The following USO1 variants were observed in gnomAD, a reference collection of about 807,000 sequenced individuals.
USO1 encodes the protein USO1 vesicle transport factor, also known as general vesicular transport factor p115.
In USO1, 57 loss-of-function variants were observed where a neutral mutation model predicts 124.5. That is an observed-to-expected ratio of 0.46 (90% CI 0.37 to 0.57). USO1 has a LOEUF of 0.57. Among genes scored for constraint, USO1 ranks in the 20% least tolerant of loss-of-function variants. The probability of loss-of-function intolerance (pLI) is 0.00; values close to 1 mark genes in which losing one functional copy is unlikely to be tolerated. For synonymous variants in USO1, 369 were observed against 362.8 expected, an observed-to-expected ratio of 1.02 and a Z score of -0.19; for missense variants, 900 against 1,040.6, an observed-to-expected ratio of 0.86 and a Z score of 1.86.
intron 4 of USO1, among the ~76,000 whole-genome samples, chr4:75,760,023 C>T (rs1351535862): frequency 6.6e-6 from 1 of 151,952 alleles, no homozygotes; most frequent in Non-Finnish European, 1.5e-5. Context: ...ACCAGTCTCA[C>T]CAACATGGTG....
At chr4:75,739,020 T>G (rs1720878899) in intron 1 of USO1, among the ~76,000 whole-genome samples, 1 of 152,030 alleles carries the variant, frequency 6.6e-6, no homozygotes, top group Admixed American at 6.6e-5. Context: ...GCCCAGCTAA[T>G]TTTTTGTAAC....
At chr4:75,773,913 CT>C (rs3839116) in intron 7 of USO1, among the ~76,000 whole-genome samples, 137,380 of 152,060 alleles carry the variant, frequency 0.9, 62,216 homozygotes, top group African/African-American at 0.98. Flanking sequence ...AATATCTGTG[CT>C]TTTTTTTCGT....
intron 1 of USO1, among the ~76,000 whole-genome samples, chr4:75,731,007 C>G (rs1483669921): frequency 6.6e-6 from 1 of 152,062 alleles, no homozygotes; most frequent in Admixed American, 6.6e-5. Context: ...TGACCCCTTG[C>G]TTAAAACGAT....
chr4:75,801,321 T>C, intron 17 of USO1, 121 bp downstream of exon 17: 1 of 1,195,414 alleles, frequency 8.4e-7, no homozygotes, highest in Non-Finnish European at 1.1e-6. Flanking sequence ...CCATCATTTT[T>C]CAAAGCATCT....
intron 4 of USO1, among the ~76,000 whole-genome samples, chr4:75,768,632 C>T (rs1721836597): frequency 6.6e-6 from 1 of 152,104 alleles, no homozygotes; most frequent in African/African-American, 2.4e-5. Flanking sequence ...CTTTTTCCTG[C>T]CTTATGGCAC....
intron 1 of USO1, among the ~76,000 whole-genome samples, chr4:75,747,785 AT>A (rs1275917693): frequency 2.7e-4 from 34 of 127,666 alleles, no homozygotes; most frequent in Non-Finnish European, 2.8e-4. Context: ...AATTTTTTGT[AT>A]TTTTTTTTTT....
At chr4:75,744,785 T>G (rs1721073653) in intron 1 of USO1, 1 of 320,450 alleles carries the variant, frequency 3.1e-6, no homozygotes, top group African/African-American at 2.2e-5. Flanking sequence ...ATAAATGCTG[T>G]GTAAGTGTAT....
intron 15 of USO1, 61 bp downstream of exon 15, chr4:75,800,530 T>TTTC: frequency 6.6e-7 from 1 of 1,522,866 alleles, no homozygotes; most frequent in Non-Finnish European, 8.8e-7. Context: ...TTTTTTTTTT[T>TTTC]TTTGCCAAAG....
At chr4:75,792,447 G>C (rs1722558677) in intron 12 of USO1, among the ~76,000 whole-genome samples, 1 of 152,206 alleles carries the variant, frequency 6.6e-6, no homozygotes, top group South Asian at 2.1e-4. Flanking sequence ...TGAGGCAGGA[G>C]AATCGCTTGA....
Position 75,753,429 on chromosome 4 carries a change from G to A in USO1, c.218+825G>A, listed in dbSNP as rs1412529250. On this transcript the variant is annotated intron_variant, in intron 3 of 23. Transcript: ENST00000514213. ...CATGCCTGTAATCCCAGCTACTTGG[G>A]AGTCTGAGGTGGGAGAAATCACTTG... Among the ~76,000 whole-genome samples the A allele has an allele frequency of 7.2e-5, 11 of 152,224 alleles. 1 individual carries two copies. Among genetic ancestry groups the A allele is most frequent in the African/African-American group, 2.6e-4 (11 of 41,540 alleles).
rs62318535 is a variant in USO1, at chr4:75,776,423, G to C, written c.676+1627G>C. Reference sequence around the variant, plus strand: ...AAGGGTTTGAAAAGATTAAATGGAAGAGGGGAAATGCAAACTATTGTAAAA... The same window carrying C: ...AAGGGTTTGAAAAGATTAAATGGAACAGGGGAAATGCAAACTATTGTAAAA... On this transcript the variant is annotated intron_variant, in intron 8 of 23. Coordinates refer to ENST00000514213, the MANE Select transcript of USO1 (RefSeq NM_003715.4). Among the ~76,000 whole-genome samples the C allele has an allele frequency of 6.7e-4, 102 of 152,306 alleles. 1 individual carries two copies. The highest frequency in any genetic ancestry group is 1.0e-3 in the Admixed American group (16 of 15,294).
chr4:75,756,838 A>G (rs1254239343), intron 3 of USO1, among the ~76,000 whole-genome samples: 3 of 151,952 alleles, frequency 2.0e-5, no homozygotes, highest in Non-Finnish European at 4.4e-5. Flanking sequence ...TTAAGAAAAT[A>G]ATATATAAAG....
At chr4:75,800,253 T>TA in intron 14 of USO1, 98 bp from the exon 15 acceptor site, 1 of 1,375,726 alleles carries the variant, frequency 7.3e-7, no homozygotes, top group East Asian at 2.7e-5. Context: ...TGGAATTTCT[T>TA]ATGGGAACTC....
At chr4:75,731,583 T>C (rs1156916218) in intron 1 of USO1, among the ~76,000 whole-genome samples, 1 of 152,170 alleles carries the variant, frequency 6.6e-6, no homozygotes, top group East Asian at 1.9e-4. Flanking sequence ...AAAATGACTT[T>C]TGTAATCTAA....
intron 12 of USO1, among the ~76,000 whole-genome samples, chr4:75,792,572 C>T (rs927129804): frequency 6.6e-6 from 1 of 151,966 alleles, no homozygotes; most frequent in Non-Finnish European, 1.5e-5. Context: ...TGGCACACAC[C>T]GGTAGTCCTA....
chr4:75,741,537 A>T (rs1317458357), intron 1 of USO1, among the ~76,000 whole-genome samples: 2 of 148,964 alleles, frequency 1.3e-5, no homozygotes, highest in Admixed American at 6.7e-5. Context: ...ACATTGTACG[A>T]TATTTTTCTT....
intron 1 of USO1, among the ~76,000 whole-genome samples, chr4:75,739,098 C>T (rs145738332): frequency 0.03 from 4,512 of 152,160 alleles, 210 homozygotes; most frequent in African/African-American, 0.1. Flanking sequence ...GTGATCCGCC[C>T]GCCTCGTCCT....
chr4:75,812,288 A>G lies in USO1; in HGVS notation c.2712A>G (p.Lys904=), dbSNP rs1723172555. The G allele has an allele frequency of 6.2e-7, 1 of 1,607,758 alleles. No homozygotes were observed. The part of the protein sequence containing the change: ...KLELEITDSK[K]EQDDLLVLLA... The stretch of plus-strand genomic sequence containing the variant: ...AGTTGGAAATTACAGATTCTAAAAA[A>G]GAACAAGATGATCTCTTGGTGCTCT... Residue 904 remains lysine (K), a synonymous_variant, in exon 23 of 24, where the codon AAA becomes AAG. Transcript: ENST00000514213.
chr4:75,756,562 A>G lies in USO1; in HGVS notation c.219-935A>G, dbSNP rs367723191. Among the ~76,000 whole-genome samples, 8 of 144,194 alleles carry G rather than the reference A, an allele frequency of 5.5e-5. No individual in the cohort carries two copies. In the South Asian group the frequency reaches 8.7e-4, roughly 16 times the overall value. 94.6% of individuals were successfully genotyped at this position (144,194 alleles called of 152,430 possible). A position where few individuals can be genotyped will look rare whatever the true frequency, so the allele number is the denominator to read the frequency against. On this transcript the variant is annotated intron_variant, in intron 3 of 23. Transcript: ENST00000514213. ...GCTCTTGTTGCCCAGGCTAGAGTGC[A>G]GTGGCACAATCTCGGCTCACTGCAA...
Sources: allele counts gnomAD v4.1 joint callset (sites outside exome capture counted in the v4.1 genomes callset), GRCh38; gene constraint gnomAD v4.1.1; transcripts MANE v1.5; gene names NCBI Gene and HGNC (gene_info 2026-07-23, HGNC 2026-07-21).